Variants in RNF17 observed in about 807,000 individuals in gnomAD.
The protein encoded by RNF17 is spermatogenesis associated 23.
A neutral mutation model predicts 200.5 loss-of-function variants in RNF17; 31 were observed. That is an observed-to-expected ratio of 0.15 (90% CI 0.12 to 0.21). The LOEUF is 0.21. RNF17 is among the 10% of genes least tolerant of loss of function. RNF17 has a pLI of 1.00. For synonymous variants in RNF17, 606 were observed against 637.8 expected (o/e 0.95, Z 0.75); for missense variants, 1,628 against 1,905.1 (o/e 0.85, Z 2.71).
chr13:24,773,528 A>G (rs1328420672), intron 2 of RNF17, among the ~76,000 whole-genome samples: 4 of 152,188 alleles, frequency 2.6e-5, no homozygotes, highest in Admixed American at 2.0e-4. Flanking sequence ...ACGTGGAAAC[A>G]GTAGACACTG....
At chr13:24,777,465 C>T (rs768633637) in intron 3 of RNF17, among the ~76,000 whole-genome samples, 1 of 151,878 alleles carries the variant, frequency 6.6e-6, no homozygotes. Context: ...TCCAGGAGTT[C>T]GAGACCAGCC....
chr13:24,870,431 G>C (rs1894133590), intron 31 of RNF17, 140 bp from the exon 32 acceptor site: 1 of 621,924 alleles, frequency 1.6e-6, no homozygotes, highest in Admixed American at 2.9e-5. Flanking sequence ...GATGTGGGAA[G>C]GAATAGGAGG....
intron 2 of RNF17, among the ~76,000 whole-genome samples, chr13:24,769,466 C>G (rs1333929608): frequency 6.6e-6 from 1 of 152,206 alleles, no homozygotes; most frequent in Non-Finnish European, 1.5e-5. Flanking sequence ...ACTATATTCA[C>G]ATTCTTCAGA....
At chr13:24,861,693 AAG>A (rs1281080732) in intron 27 of RNF17, among the ~76,000 whole-genome samples, 1 of 152,222 alleles carries the variant, frequency 6.6e-6, no homozygotes, top group Non-Finnish European at 1.5e-5. Flanking sequence ...GATCAGATAA[AAG>A]AGTGTCTTAT....
chr13:24,841,211 CAG>C (rs1194129040), intron 18 of RNF17, among the ~76,000 whole-genome samples: 1 of 152,150 alleles, frequency 6.6e-6, no homozygotes, highest in African/African-American at 2.4e-5. Context: ...ATCTGATAAA[CAG>C]AATTAAAAGT....
intron 4 of RNF17, among the ~76,000 whole-genome samples, chr13:24,779,426 AAT>A (rs1317141816): frequency 1.3e-5 from 2 of 152,184 alleles, no homozygotes; most frequent in Non-Finnish European, 2.9e-5. Context: ...CATTTAAAAA[AAT>A]ATCTTTATGA....
downstream of RNF17, among the ~76,000 whole-genome samples, chr13:24,880,134 A>G (rs1324285540): frequency 6.8e-6 from 1 of 147,874 alleles, no homozygotes; most frequent in Non-Finnish European, 1.5e-5. Flanking sequence ...TTTAGAAAGG[A>G]AAGAGGTTTA....
At chr13:24,870,906 C>G (rs1326026838) in intron 32 of RNF17, among the ~76,000 whole-genome samples, 167 bp downstream of exon 32, 1 of 152,192 alleles carries the variant, frequency 6.6e-6, no homozygotes, top group Non-Finnish European at 1.5e-5. Flanking sequence ...ACTTCTTTCT[C>G]ATTTTCTAGA....
chr13:24,813,783 C>G (rs1406204138), intron 15 of RNF17, among the ~76,000 whole-genome samples: 1 of 141,134 alleles, frequency 7.1e-6, no homozygotes, highest in Non-Finnish European at 1.5e-5. Flanking sequence ...GCATGCAGCA[C>G]AGCTCGCTAA....
At chr13:24,749,215 G>A in the RNF17 span, among the ~76,000 whole-genome samples, 2 of 151,776 alleles carry the variant, frequency 1.3e-5, no homozygotes, top group African/African-American at 4.8e-5. Context: ...GATATTCTCA[G>A]CAATATACAG....
At chr13:24,789,922 T>G in intron 9 of RNF17, 150 bp downstream of exon 9, 1 of 592,254 alleles carries the variant, frequency 1.7e-6, no homozygotes, top group African/African-American at 1.9e-5. Context: ...ATATAATGTT[T>G]TTTAAAAGGC....
chr13:24,809,810 G>A (rs1283079781), intron 15 of RNF17, among the ~76,000 whole-genome samples: 2 of 151,926 alleles, frequency 1.3e-5, no homozygotes, highest in African/African-American at 2.4e-5. Context: ...ACACTGCTTT[G>A]AATGTGTCCC....
rs372451070 is a variant in RNF17, at chr13:24,825,806, G to A, written c.2245+34G>A. ...ATGCATGCTGTTTCTACAGGGAGAT[G>A]TCATACTTCAAAACTAATATCATTT... On this transcript the variant is annotated intron_variant, in intron 16 of 35. Transcript: ENST00000255324. 6.3e-6 allele frequency: 10 copies of A among 1,590,042 alleles called. No individual in the cohort carries two copies. In the African/African-American group the frequency reaches 1.3e-4, roughly 21 times the overall value.
At chr13:24,758,566 G>A in the RNF17 span, among the ~76,000 whole-genome samples, 495 of 152,218 alleles carry the variant, frequency 3.3e-3, 11 homozygotes, top group East Asian at 0.039. Context: ...CCAATACAAA[G>A]CACAAAGGCT....
chr13:24,786,859 A>G (rs1883176610), intron 6 of RNF17, among the ~76,000 whole-genome samples: 1 of 152,118 alleles, frequency 6.6e-6, no homozygotes. Context: ...TTCATGTCTC[A>G]TCAAATTTTG....
chr13:24,870,084 G>A (rs955356788), intron 31 of RNF17, among the ~76,000 whole-genome samples: 1 of 151,878 alleles, frequency 6.6e-6, no homozygotes. Context: ...TGGGACTACA[G>A]GCGGCTGCCA....
intron 13 of RNF17, 80 bp from the exon 14 acceptor site, chr13:24,802,301 G>T: frequency 7.8e-7 from 1 of 1,275,524 alleles, no homozygotes; most frequent in Non-Finnish European, 1.1e-6. Context: ...GTCTGTGGTT[G>T]GTACAAACCT....
chr13:24,832,235 A>G (rs1252994802), intron 18 of RNF17, among the ~76,000 whole-genome samples: 3 of 152,070 alleles, frequency 2.0e-5, no homozygotes, highest in South Asian at 4.1e-4. Context: ...AGCTTCTTTT[A>G]TTTGTTTGCA....
At chr13:24,847,434 C>T (rs568539909) in intron 22 of RNF17, among the ~76,000 whole-genome samples, 1 of 151,442 alleles carries the variant, frequency 6.6e-6, no homozygotes, top group Non-Finnish European at 1.5e-5. Flanking sequence ...CAACCTTTGC[C>T]TCCCAGATTC....
Sources: gnomAD v4.1 joint callset for allele counts (sites outside exome capture counted in the v4.1 genomes callset) on GRCh38, gnomAD v4.1.1 for gene constraint, MANE v1.5 for transcripts, NCBI Gene and HGNC (gene_info 2026-07-23, HGNC 2026-07-21) for gene names.